ALLC: variants seen among roughly 807,000 people sequenced by gnomAD.
The protein encoded by ALLC is probable inactive allantoicase.
ALLC carries 40 observed loss-of-function variants against 45.0 expected under a neutral mutation model. The observed-to-expected ratio is 0.89, with a 90% CI of 0.69 to 1.16. ALLC has a LOEUF of 1.16. Among genes scored for constraint, ALLC ranks in the 50% most tolerant of loss-of-function variants. The pLI is 0.00. For synonymous variants in ALLC, 176 were observed against 178.1 expected (o/e 0.99, Z 0.09); for missense variants, 488 against 493.1 (o/e 0.99, Z 0.10).
chr2:3,667,338 G>A (rs573693615), intron 1 of ALLC, among the ~76,000 whole-genome samples: 12 of 152,226 alleles, frequency 7.9e-5, no homozygotes, highest in African/African-American at 1.9e-4. Flanking sequence ...GCTCAGCCCC[G>A]GGCATGGCGT....
chr2:3,652,625 C>G, the ALLC span, among the ~76,000 whole-genome samples: 1 of 125,382 alleles, frequency 8.0e-6, no homozygotes, highest in African/African-American at 3.0e-5. Context: ...GAGTCTCGCT[C>G]GTTTAGCAGG....
At chr2:3,674,985 A>G (rs980425650) in intron 3 of ALLC, among the ~76,000 whole-genome samples, 6 of 152,208 alleles carry the variant, frequency 3.9e-5, no homozygotes, top group African/African-American at 1.4e-4. Flanking sequence ...AATAGGTAGA[A>G]AACATTCATT....
the ALLC span, among the ~76,000 whole-genome samples, chr2:3,651,445 G>GT: frequency 7.9e-5 from 2 of 25,458 alleles, no homozygotes; most frequent in South Asian, 2.1e-3. Flanking sequence ...GTGTGTGTTA[G>GT]GAAGGGAGAC....
rs184872263 is a variant in ALLC at position 3,664,855 on chromosome 2, A to T, written c.-62-6241A>T. ...GCTATGATCGTGCCACTGCATTCCA[A>T]CCTGGGCAACAAAGAAAGACTCTGT... On this transcript the variant is annotated intron_variant, in intron 1 of 11. Coordinates refer to ENST00000252505, the MANE Select transcript of ALLC (RefSeq NM_018436.4). Among the ~76,000 whole-genome samples the T allele has an allele frequency of 1.7e-4, 25 of 150,326 alleles. 1 individual carries two copies. The East Asian group carries it at 4.9e-3, about 29-fold the overall frequency.
upstream of ALLC, among the ~76,000 whole-genome samples, chr2:3,657,500 G>C (rs1427054469): frequency 6.6e-6 from 1 of 152,012 alleles, no homozygotes; most frequent in Admixed American, 6.5e-5. Flanking sequence ...GGTGACCTCG[G>C]GTGGCTTTCC....
At chr2:3,686,574 C>T (rs1594316) in intron 7 of ALLC, among the ~76,000 whole-genome samples, 34,825 of 150,560 alleles carry the variant, frequency 0.23, 5,626 homozygotes, top group Middle Eastern at 0.35. Flanking sequence ...TCTAGGAGCA[C>T]GGAACATCTT....
intron 3 of ALLC, 26 bp from the exon 4 acceptor site, chr2:3,678,442 T>C (rs1465488240): frequency 2.5e-6 from 4 of 1,587,256 alleles, no homozygotes; most frequent in Non-Finnish European, 3.5e-6. Flanking sequence ...ATGTTAATGA[T>C]CACCTTGTTG....
Position 3,665,736 on chromosome 2 carries a change from C to T in ALLC, c.-62-5360C>T, listed in dbSNP as rs559346981. On this transcript the variant is annotated intron_variant, in intron 1 of 11. Transcript: ENST00000252505. ...CATTGATGGGCATTTGGGTTGATTC[C>T]GTGTCTTTGCTATTGTGAATAGTGC... Among the ~76,000 whole-genome samples the T allele has an allele frequency of 6.6e-5, 10 of 152,262 alleles. No individual in the cohort carries two copies. The South Asian group carries it at 1.0e-3, about 16-fold the overall frequency.
rs1173613810 is a variant in ALLC at position 3,668,566 on chromosome 2, C to CTTTTTTTTTTTTTT, written c.-62-2516_-62-2503dup. Among the ~76,000 whole-genome samples, 8 of 71,890 alleles carry CTTTTTTTTTTTTTT rather than the reference C, an allele frequency of 1.1e-4. 2 individuals are homozygous for CTTTTTTTTTTTTTT. Among genetic ancestry groups the CTTTTTTTTTTTTTT allele is most frequent in the African/African-American group, 5.1e-4 (7 of 13,672 alleles). The allele number at this position is 71,890 out of a possible 152,430, so 47.2% of individuals were successfully genotyped here. ...TGTGTAATATGCATAATGTGTATGA[C>CTTTTTTTTTTTTTT]TTTTTTTTTTTTTTTTTTTTTTTTT... is the stretch of plus-strand genomic sequence containing the variant. On this transcript the variant is annotated intron_variant, in intron 1 of 11. Coordinates refer to ENST00000252505, the MANE Select transcript of ALLC (RefSeq NM_018436.4).
At position 3,697,424 on chromosome 2, in the gene ALLC, C is replaced by G; in HGVS notation, c.818C>G (p.Thr273Ser). 6.2e-7 allele frequency: 1 copy of G among 1,613,770 alleles called. No homozygotes were observed. The highest frequency in any genetic ancestry group is 2.2e-5 in the East Asian group (1 of 44,864). ...VFRLAHPGVI[T>S]RIEIDTKYFE... is the part of the protein sequence containing the mutation. Reference sequence around the variant, plus strand: ...CGATTGGCACATCCTGGAGTAATAACTCGAATTGAAATTGACACAAAATAT... The same window carrying G: ...CGATTGGCACATCCTGGAGTAATAAGTCGAATTGAAATTGACACAAAATAT... The change falls in exon 10 of 12, where the codon ACT (threonine) becomes AGT (serine). Residue 273 changes from threonine (T) to serine (S), a missense_variant. Thr to Ser is a moderately conservative substitution (Grantham distance 58). Transcript: ENST00000252505.
chr2:3,647,056 A>G, the ALLC span, among the ~76,000 whole-genome samples: 1 of 152,044 alleles, frequency 6.6e-6, no homozygotes. Flanking sequence ...CCACTCCCTC[A>G]GCCCCCGCAC....
At chr2:3,650,780 C>T in the ALLC span, among the ~76,000 whole-genome samples, 10 of 152,210 alleles carry the variant, frequency 6.6e-5, no homozygotes, top group South Asian at 4.1e-4. Context: ...GACCCTCCAC[C>T]AGGCTTCATG....
chr2:3,663,835 G>A (rs951561926), intron 1 of ALLC, among the ~76,000 whole-genome samples: 3 of 152,192 alleles, frequency 2.0e-5, no homozygotes, highest in African/African-American at 7.2e-5. Context: ...CCACACACCT[G>A]TGCTGTCTGG....
At chr2:3,650,397 G>C in the ALLC span, among the ~76,000 whole-genome samples, 115,392 of 152,082 alleles carry the variant, frequency 0.76, 44,015 homozygotes, top group South Asian at 0.82. Flanking sequence ...GACCCAGGCA[G>C]CCTGCCTTGC....
At chr2:3,669,771 G>A (rs888779525) in intron 1 of ALLC, among the ~76,000 whole-genome samples, 2 of 152,176 alleles carry the variant, frequency 1.3e-5, no homozygotes, top group East Asian at 1.9e-4. Context: ...TTGCTGGAGC[G>A]ACCAGGAGGA....
intron 1 of ALLC, among the ~76,000 whole-genome samples, chr2:3,664,994 A>G (rs1353643409): frequency 1.3e-5 from 2 of 151,946 alleles, no homozygotes; most frequent in Non-Finnish European, 2.9e-5. Flanking sequence ...TTTTTGAGGT[A>G]CCACAAATGG....
chr2:3,660,331 TG>T (rs1346618877), intron 1 of ALLC, among the ~76,000 whole-genome samples: 2 of 152,186 alleles, frequency 1.3e-5, no homozygotes, highest in African/African-American at 4.8e-5. Context: ...CCGTGCTTTC[TG>T]TACCGCCTGC....
chr2:3,650,151 T>C, the ALLC span, among the ~76,000 whole-genome samples: 1 of 152,156 alleles, frequency 6.6e-6, no homozygotes, highest in East Asian at 1.9e-4. Flanking sequence ...GTGCCCTCAA[T>C]TGGAAGGGAA....
intron 10 of ALLC, among the ~76,000 whole-genome samples, chr2:3,698,391 G>A (rs1260257989): frequency 6.6e-6 from 1 of 152,168 alleles, no homozygotes; most frequent in African/African-American, 2.4e-5. Context: ...CTTGGAAAAA[G>A]AGCCTGTGAA....
Sources: allele counts gnomAD v4.1 joint callset (sites outside exome capture counted in the v4.1 genomes callset), GRCh38; gene constraint gnomAD v4.1.1; transcripts MANE v1.5; gene names NCBI Gene and HGNC (gene_info 2026-07-23, HGNC 2026-07-21).